ASXL2: variants seen among roughly 807,000 people sequenced by gnomAD.
The protein encoded by ASXL2 is putative Polycomb group protein ASXL2.
ASXL2 carries 23 observed loss-of-function variants against 122.0 expected under a neutral mutation model. That is an observed-to-expected ratio of 0.19 (90% CI 0.14 to 0.27). The LOEUF is 0.27. Ranked by LOEUF, ASXL2 falls within the 10% of genes least tolerant of loss-of-function variation. ASXL2 has a pLI of 1.00. For synonymous variants in ASXL2, 650 were observed against 637.0 expected (o/e 1.02, Z -0.31); for missense variants, 1,518 against 1,713.8 (o/e 0.89, Z 2.02).
chr2:25,788,582 T>C (rs2088784223), intron 5 of ASXL2, among the ~76,000 whole-genome samples: 1 of 152,198 alleles, frequency 6.6e-6, no homozygotes, highest in South Asian at 2.1e-4. Context: ...AATCCCGTTA[T>C]TTCACATGAT....
At chr2:25,775,354 C>T (rs2088528749) in intron 5 of ASXL2, among the ~76,000 whole-genome samples, 1 of 152,126 alleles carries the variant, frequency 6.6e-6, no homozygotes, top group South Asian at 2.1e-4. Flanking sequence ...TCTCAAACTC[C>T]TGACCTCAGG....
chr2:25,759,351 G>T, intron 9 of ASXL2, 131 bp downstream of exon 9: 6 of 927,482 alleles, frequency 6.5e-6, no homozygotes, highest in South Asian at 2.3e-5. Flanking sequence ...TTTTTCCTAA[G>T]CCTTAAAAAA....
intron 2 of ASXL2, among the ~76,000 whole-genome samples, chr2:25,842,768 A>G (rs1293643902): frequency 1.8e-5 from 1 of 56,016 alleles, no homozygotes; most frequent in Non-Finnish European, 3.3e-5. Context: ...GCGTGTGTGC[A>G]CGTGTGTGTG....
rs551024202 is a variant in ASXL2, at chr2:25,782,002, G to A, written c.404-10462C>T. ...TTTTTTTTTGTAGAGACAGAGTCTC[G>A]CTATGTTTGTCCAGGTTGGTCTCAA... On this transcript the variant is annotated intron_variant, in intron 5 of 12. Coordinates refer to ENST00000435504, the MANE Select transcript of ASXL2 (RefSeq NM_018263.6). 1.8e-4 allele frequency among the ~76,000 whole-genome samples: 21 copies of A among 118,738 alleles called. No individual in the cohort carries two copies. The South Asian group carries it at 4.6e-3, about 26-fold the overall frequency. The allele number at this position is 118,738 out of a possible 152,430, so 77.9% of individuals were successfully genotyped here.
intron 9 of ASXL2, 96 bp from the exon 10 acceptor site, chr2:25,756,210 ATATT>A (rs1353692136): frequency 3.6e-6 from 2 of 556,892 alleles, no homozygotes; most frequent in Non-Finnish European, 5.8e-6. Context: ...GAATGTATAT[ATATT>A]TATTTTAATA....
At chr2:25,875,453 G>C (rs1424244021) in intron 1 of ASXL2, among the ~76,000 whole-genome samples, 1 of 152,010 alleles carries the variant, frequency 6.6e-6, no homozygotes, top group Admixed American at 6.6e-5. Context: ...CTCCAGCCTG[G>C]AGAGCATAGC....
intron 4 of ASXL2, among the ~76,000 whole-genome samples, chr2:25,802,467 T>C (rs1050970321): frequency 1.3e-5 from 2 of 152,148 alleles, no homozygotes; most frequent in Admixed American, 1.3e-4. Flanking sequence ...TAAGCAATAG[T>C]GTTACTAGTA....
At chr2:25,842,642 T>G (rs181658306) in intron 2 of ASXL2, among the ~76,000 whole-genome samples, 8 of 151,622 alleles carry the variant, frequency 5.3e-5, no homozygotes, top group Admixed American at 2.0e-4. Context: ...CATGAGCCAC[T>G]GCGCCCAGCC....
intron 5 of ASXL2, among the ~76,000 whole-genome samples, chr2:25,778,141 A>G (rs531685060): frequency 6.6e-6 from 1 of 152,340 alleles, no homozygotes; most frequent in South Asian, 2.1e-4. Flanking sequence ...ATATGTCCAC[A>G]TTGTAAGCTC....
intron 4 of ASXL2, among the ~76,000 whole-genome samples, chr2:25,803,709 T>C (rs772587961): frequency 3.3e-5 from 5 of 152,208 alleles, no homozygotes; most frequent in Non-Finnish European, 7.3e-5. Context: ...CCCTCAAATG[T>C]GCAGTTCACA....
chr2:25,849,064 C>CATATATATATATATATATAGATATAT (rs139200567), intron 1 of ASXL2, among the ~76,000 whole-genome samples: 1 of 86,516 alleles, frequency 1.2e-5, no homozygotes, highest in African/African-American at 6.1e-5. Flanking sequence ...AAAAAATTTA[C>CATATATATATATATATATAGATATAT]ATATATATAT....
chr2:25,869,654 T>C (rs1172978305), intron 1 of ASXL2, among the ~76,000 whole-genome samples: 2 of 151,358 alleles, frequency 1.3e-5, no homozygotes, highest in African/African-American at 2.4e-5. Context: ...CCATCTCTAC[T>C]AAAATTACAA....
At chr2:25,822,291 C>T (rs527553175) in intron 3 of ASXL2, among the ~76,000 whole-genome samples, 5 of 152,310 alleles carry the variant, frequency 3.3e-5, no homozygotes, top group African/African-American at 4.8e-5. Flanking sequence ...TCTTTCTGCG[C>T]GGTGCATTCT....
intron 3 of ASXL2, chr2:25,810,536 C>A (rs1246306748): frequency 5.5e-6 from 4 of 730,254 alleles, no homozygotes; most frequent in South Asian, 2.9e-5. Context: ...TGTTCCCAGG[C>A]GCGCCTTTCT....
intron 9 of ASXL2, among the ~76,000 whole-genome samples, chr2:25,758,675 C>CTT (rs1413771261): frequency 5.2e-5 from 7 of 133,940 alleles, no homozygotes; most frequent in African/African-American, 1.5e-4. Flanking sequence ...CTTTTTGCTA[C>CTT]TTTTGTTTTT....
chr2:25,808,660 C>T (rs2089119586), intron 3 of ASXL2, among the ~76,000 whole-genome samples: 1 of 152,206 alleles, frequency 6.6e-6, no homozygotes. Context: ...TTACTTTTGC[C>T]TGTATCAAGC....
chr2:25,822,896 A>G, intron 3 of ASXL2: 1 of 546,804 alleles, frequency 1.8e-6, no homozygotes, highest in Non-Finnish European at 3.7e-6. Flanking sequence ...AAGTAGATGG[A>G]GCAGGTGATG....
At chr2:25,745,402 G>A (rs2087924588) in intron 12 of ASXL2, among the ~76,000 whole-genome samples, 1 of 150,858 alleles carries the variant, frequency 6.6e-6, no homozygotes, top group African/African-American at 2.4e-5. Context: ...TAGTAGAGAT[G>A]GGGTTTCACC....
chr2:25,755,981 C>G (rs751278283), intron 10 of ASXL2, 37 bp downstream of exon 10: 11 of 1,548,184 alleles, frequency 7.1e-6, no homozygotes. Context: ...TCTGAGTGCA[C>G]ACACCACCTG....
Sources: gnomAD v4.1 joint callset for allele counts (sites outside exome capture counted in the v4.1 genomes callset) on GRCh38, gnomAD v4.1.1 for gene constraint, MANE v1.5 for transcripts, NCBI Gene and HGNC (gene_info 2026-07-23, HGNC 2026-07-21) for gene names.